The following RIMOC1 variants were observed in gnomAD, a reference collection of about 807,000 sequenced individuals.
The protein encoded by RIMOC1 is RAB7A interacting MON1-CCZ1 complex subunit 1, also known as RAB7A-interacting MON1-CCZ1 complex subunit 1.
chr5:41,910,953 G>A, the RIMOC1 span: 2 of 1,410,538 alleles, frequency 1.4e-6, no homozygotes, highest in Non-Finnish European at 9.7e-7. Context: ...TGTGACTTGA[G>A]AATGTTTTTA....
At chr5:41,907,599 T>A in the RIMOC1 span, 1 of 548,064 alleles carries the variant, frequency 1.8e-6, no homozygotes, top group Non-Finnish European at 3.2e-6. Flanking sequence ...GATAAGATAT[T>A]ATTACTATAA....
chr5:41,904,678 G>T, the RIMOC1 span, among the ~76,000 whole-genome samples: 1 of 152,176 alleles, frequency 6.6e-6, no homozygotes, highest in African/African-American at 2.4e-5. Flanking sequence ...TTCGAAAACC[G>T]CATTATTCAG....
the RIMOC1 span, chr5:41,912,127 A>C: frequency 5.0e-6 from 8 of 1,612,168 alleles, no homozygotes; most frequent in Non-Finnish European, 6.8e-6. Flanking sequence ...TGTCCTATCC[A>C]GTTAAATGAA....
chr5:41,914,603 T>TAA, the RIMOC1 span, among the ~76,000 whole-genome samples: 2 of 125,116 alleles, frequency 1.6e-5, no homozygotes, highest in Admixed American at 8.0e-5. Context: ...CTGCAAAAAC[T>TAA]AAAAAAAAAA....
chr5:41,910,671 T>G, the RIMOC1 span, among the ~76,000 whole-genome samples: 1 of 152,076 alleles, frequency 6.6e-6, no homozygotes, highest in Non-Finnish European at 1.5e-5. Context: ...TGGGTGTAAA[T>G]TTTCATTATT....
At chr5:41,912,335 G>A in the RIMOC1 span, 3 of 573,144 alleles carry the variant, frequency 5.2e-6, no homozygotes, top group African/African-American at 5.7e-5. Context: ...AAAATTCAAA[G>A]ATAAAATCTT....
chr5:41,911,257 G>C, the RIMOC1 span: 1 of 1,332,178 alleles, frequency 7.5e-7, no homozygotes, highest in Non-Finnish European at 1.0e-6. Flanking sequence ...GTACTACTAA[G>C]AGTAGTGGAT....
chr5:41,917,544 T>C, the RIMOC1 span: 1 of 1,163,404 alleles, frequency 8.6e-7, no homozygotes, highest in Non-Finnish European at 1.1e-6. Flanking sequence ...ACAGATGTTA[T>C]GTCACTAATA....
the RIMOC1 span, among the ~76,000 whole-genome samples, chr5:41,915,249 T>C: frequency 6.6e-6 from 1 of 152,182 alleles, no homozygotes; most frequent in Non-Finnish European, 1.5e-5. Flanking sequence ...TGGAATCACA[T>C]GGAGGTAAAT....
chr5:41,918,152 C>A, the RIMOC1 span: 2 of 985,794 alleles, frequency 2.0e-6, 1 homozygote, highest in Non-Finnish European at 2.4e-6. Context: ...CTGTTGTCAT[C>A]TTTGGATGAT....
At chr5:41,910,080 A>G in the RIMOC1 span, among the ~76,000 whole-genome samples, 6 of 152,220 alleles carry the variant, frequency 3.9e-5, no homozygotes, top group African/African-American at 1.2e-4. Flanking sequence ...TACTAAATGT[A>G]TTTCAGAATA....
At chr5:41,921,343 T>C in the RIMOC1 span, 1 of 152,414 alleles carries the variant, frequency 6.6e-6, no homozygotes, top group Non-Finnish European at 1.5e-5. Flanking sequence ...CTTTCTACCT[T>C]ACAGGGCTCC....
chr5:41,917,914 A>C, the RIMOC1 span: 4 of 886,350 alleles, frequency 4.5e-6, no homozygotes, highest in Non-Finnish European at 5.4e-6. Flanking sequence ...AAATTTAAAA[A>C]TTATTTTTCT....
At chr5:41,915,038 G>C in the RIMOC1 span, among the ~76,000 whole-genome samples, 1 of 151,914 alleles carries the variant, frequency 6.6e-6, no homozygotes, top group African/African-American at 2.4e-5. Context: ...AACTGTGTAT[G>C]GTTTTTGTTA....
the RIMOC1 span, chr5:41,912,013 G>A: frequency 3.8e-6 from 4 of 1,059,104 alleles, no homozygotes; most frequent in African/African-American, 4.7e-5. Flanking sequence ...AGTATTTGAA[G>A]TTTATATATC....
chr5:41,907,970 A>G, the RIMOC1 span: 1 of 650,758 alleles, frequency 1.5e-6, no homozygotes, highest in Non-Finnish European at 2.6e-6. Flanking sequence ...TGTCCAAAAA[A>G]CTATGAATAA....
chr5:41,918,520 C>T, the RIMOC1 span: 1 of 985,334 alleles, frequency 1.0e-6, no homozygotes, highest in Non-Finnish European at 1.2e-6. Flanking sequence ...GTCTTTTAGT[C>T]TAGTCCTTTG....
the RIMOC1 span, chr5:41,911,375 G>A: frequency 1.1e-5 from 4 of 380,312 alleles, no homozygotes; most frequent in African/African-American, 6.3e-5. Flanking sequence ...AAAGCACTTT[G>A]TAATCTGCGA....
chr5:41,907,372 A>G, the RIMOC1 span, among the ~76,000 whole-genome samples: 11 of 152,102 alleles, frequency 7.2e-5, no homozygotes, highest in African/African-American at 2.4e-4. Flanking sequence ...CCCTTTCTGT[A>G]TATTTATGTA....
Sources: allele counts gnomAD v4.1 joint callset (sites outside exome capture counted in the v4.1 genomes callset), GRCh38; gene constraint gnomAD v4.1.1; transcripts MANE v1.5; gene names NCBI Gene and HGNC (gene_info 2026-07-23, HGNC 2026-07-21).